The following DAB1 variants were observed in gnomAD, a reference collection of about 807,000 sequenced individuals.
DAB1 encodes the protein DAB adaptor protein 1, also known as disabled homolog 1.
Under a neutral mutation model 64.6 loss-of-function variants are expected in DAB1, and 15 were observed. That is an observed-to-expected ratio of 0.23 (90% CI 0.16 to 0.36). The LOEUF (loss-of-function observed/expected upper bound fraction) is 0.36, where lower values mean the gene tolerates loss of function less well. DAB1 is among the 10% of genes least tolerant of loss of function. The probability of loss-of-function intolerance (pLI) is 1.00; values close to 1 mark genes in which losing one functional copy is unlikely to be tolerated. For missense variants in DAB1, 596 were observed against 706.7 expected (o/e 0.84, Z 1.78); for synonymous variants, 235 against 251.9 (o/e 0.93, Z 0.64).
At chr1:57,493,696 G>A (rs1644193696) in intron 7 of DAB1, among the ~76,000 whole-genome samples, 1 of 151,734 alleles carries the variant, frequency 6.6e-6, no homozygotes, top group African/African-American at 2.4e-5. Flanking sequence ...GTATTCAGTG[G>A]AAGGAAGGGT....
intron 7 of DAB1, among the ~76,000 whole-genome samples, chr1:57,488,730 G>A (rs1644125090): frequency 6.6e-6 from 1 of 151,884 alleles, no homozygotes; most frequent in African/African-American, 2.4e-5. Flanking sequence ...TATAGGTGCT[G>A]CACTGCCAGA....
At chr1:57,420,179 T>C (rs756219555) in intron 1 of DAB1, among the ~76,000 whole-genome samples, 2 of 152,186 alleles carry the variant, frequency 1.3e-5, no homozygotes, top group Non-Finnish European at 2.9e-5. Flanking sequence ...TGGGGAAATA[T>C]GTAGCTTGCT....
chr1:58,413,533 T>C lies in DAB1; in HGVS notation n.258-70130A>G, dbSNP rs1644689580. Among the ~76,000 whole-genome samples the C allele has an allele frequency of 2.0e-5, 3 of 152,168 alleles. No individual in the cohort carries two copies. In the South Asian group the frequency reaches 6.2e-4, roughly 32 times the overall value. On this transcript the variant is annotated intron_variant and non_coding_transcript_variant, in intron 3 of 20. Transcript: ENST00000485760. ...TGCACTGTCTCCCTGTGATTCCCAC[T>C]ATATGATCTGACAGCAGCTGGGAAA...
At chr1:58,081,926 T>C (rs1650021653) in intron 5 of DAB1, among the ~76,000 whole-genome samples, 1 of 152,212 alleles carries the variant, frequency 6.6e-6, no homozygotes, top group African/African-American at 2.4e-5. Context: ...TCACAAGACA[T>C]TGAAATGGTA....
At chr1:57,586,745 G>T (rs1645385550) in intron 7 of DAB1, among the ~76,000 whole-genome samples, 1 of 148,082 alleles carries the variant, frequency 6.8e-6, no homozygotes, top group African/African-American at 2.5e-5. Flanking sequence ...ACCTGTTCCT[G>T]TTCCTCTCTT....
At chr1:57,167,331 C>T (rs1157068407) in intron 2 of DAB1, among the ~76,000 whole-genome samples, 1 of 152,168 alleles carries the variant, frequency 6.6e-6, no homozygotes. Context: ...TTTCTTCCAT[C>T]TCACTCTTTA....
At chr1:57,615,780 C>T (rs1368129092) in intron 7 of DAB1, among the ~76,000 whole-genome samples, 2 of 152,180 alleles carry the variant, frequency 1.3e-5, no homozygotes, top group Admixed American at 1.3e-4. Context: ...ACACAATTAG[C>T]AAGCTTTACC....
intron 2 of DAB1, among the ~76,000 whole-genome samples, chr1:57,251,086 T>C (rs546681760): frequency 6.6e-6 from 1 of 152,238 alleles, no homozygotes. Context: ...AGAAACCATA[T>C]ATTATTGTAC....
chr1:58,057,832 TC>T (rs1648232350), intron 5 of DAB1, among the ~76,000 whole-genome samples: 1 of 152,006 alleles, frequency 6.6e-6, no homozygotes, highest in Admixed American at 6.6e-5. Context: ...ACACGGTCTT[TC>T]TCACCTCCAG....
At chr1:57,277,579 T>C (rs1671565559) in intron 2 of DAB1, among the ~76,000 whole-genome samples, 1 of 152,292 alleles carries the variant, frequency 6.6e-6, no homozygotes, top group Non-Finnish European at 1.5e-5. Context: ...AAGACCAACC[T>C]GATTTCAGCT....
rs562137983 is a variant in DAB1 at position 58,368,942 on chromosome 1, G to A, written n.258-25539C>T. Among the ~76,000 whole-genome samples, 15 of 152,282 alleles carry A rather than the reference G, an allele frequency of 9.9e-5. No homozygotes were observed. In the East Asian group the frequency reaches 2.7e-3, roughly 27 times the overall value. ...CTTGGGGGGCTGAAGGATAGCTTAA[G>A]CCCAGGAGGTCAAGGCTGCAGTGAG... is the stretch of plus-strand genomic sequence containing the variant. On this transcript the variant is annotated intron_variant and non_coding_transcript_variant, in intron 3 of 20. Transcript: ENST00000485760.
chr1:57,585,961 A>G (rs182820818), intron 7 of DAB1, among the ~76,000 whole-genome samples: 37 of 152,230 alleles, frequency 2.4e-4, no homozygotes, highest in African/African-American at 7.7e-4. Context: ...CTGGGCTCCT[A>G]TTTTTTCAAC....
At chr1:58,233,741 C>T (rs560975391) in intron 4 of DAB1, among the ~76,000 whole-genome samples, 24 of 152,306 alleles carry the variant, frequency 1.6e-4, no homozygotes, top group African/African-American at 5.8e-4. Context: ...CTGATCTTCC[C>T]TTCAAGCTAC....
At chr1:57,774,635 A>C (rs1192970316) in intron 6 of DAB1, among the ~76,000 whole-genome samples, 1 of 151,728 alleles carries the variant, frequency 6.6e-6, no homozygotes, top group Non-Finnish European at 1.5e-5. Flanking sequence ...AATTTTGTCA[A>C]ATGTTTCTTT....
chr1:58,486,758 G>T (rs1645582171), intron 3 of DAB1, among the ~76,000 whole-genome samples: 1 of 152,206 alleles, frequency 6.6e-6, no homozygotes, highest in Admixed American at 6.5e-5. Flanking sequence ...GCCTCCCCAG[G>T]ACAGTGACAT....
At chr1:57,376,719 G>A (rs1257027688) in intron 1 of DAB1, among the ~76,000 whole-genome samples, 1 of 152,188 alleles carries the variant, frequency 6.6e-6, no homozygotes, top group East Asian at 1.9e-4. Flanking sequence ...TGAGTGACTG[G>A]ATGAATGAAC....
At chr1:57,417,598 C>T (rs936141722) in intron 1 of DAB1, among the ~76,000 whole-genome samples, 5 of 152,154 alleles carry the variant, frequency 3.3e-5, no homozygotes, top group African/African-American at 1.2e-4. Context: ...GAACCTTTAA[C>T]ATATCAGTAA....
chr1:57,618,668 C>T (rs1177660875), intron 7 of DAB1, among the ~76,000 whole-genome samples: 2 of 152,156 alleles, frequency 1.3e-5, no homozygotes, highest in African/African-American at 4.8e-5. Flanking sequence ...GAGTCTCAGG[C>T]AGCCTTTCCG....
intron 14 of DAB1, among the ~76,000 whole-genome samples, chr1:57,007,970 C>T (rs1021367433): frequency 2.0e-5 from 3 of 152,224 alleles, no homozygotes; most frequent in African/African-American, 4.8e-5. Context: ...CTCTCCCAGA[C>T]GTCCCCCATG....
Sources: allele counts gnomAD v4.1 joint callset (sites outside exome capture counted in the v4.1 genomes callset), GRCh38; gene constraint gnomAD v4.1.1; transcripts MANE v1.5; gene names NCBI Gene and HGNC (gene_info 2026-07-23, HGNC 2026-07-21).